NWD2: variants seen among roughly 807,000 people sequenced by gnomAD.
The protein encoded by NWD2 is NACHT and WD repeat domain containing 2.
A neutral mutation model predicts 132.7 loss-of-function variants in NWD2; 37 were observed. The observed-to-expected ratio is 0.28, with a 90% CI of 0.21 to 0.37. The LOEUF is 0.37. Among genes scored for constraint, NWD2 ranks in the 10% least tolerant of loss-of-function variants. The probability of loss-of-function intolerance (pLI) is 1.00; values close to 1 mark genes in which losing one functional copy is unlikely to be tolerated. For missense variants in NWD2, 1,592 were observed against 2,122.4 expected, an observed-to-expected ratio of 0.75 and a Z score of 4.91; for synonymous variants, 705 against 803.0, an observed-to-expected ratio of 0.88 and a Z score of 2.06.
intron 3 of NWD2, among the ~76,000 whole-genome samples, chr4:37,381,153 C>A (rs1720445299): frequency 6.6e-6 from 1 of 152,098 alleles, no homozygotes; most frequent in Admixed American, 6.6e-5. Context: ...GAAATGTGCC[C>A]TGTGGAGGAT....
chr4:37,339,197 TGTGA>T (rs1719470981), intron 2 of NWD2, among the ~76,000 whole-genome samples: 1 of 152,064 alleles, frequency 6.6e-6, no homozygotes, highest in African/African-American at 2.4e-5. Flanking sequence ...CTCCCATCCA[TGTGA>T]GTGAGGCAGC....
chr4:37,273,900 A>C (rs1035536345), intron 1 of NWD2, among the ~76,000 whole-genome samples: 1 of 152,152 alleles, frequency 6.6e-6, no homozygotes, highest in South Asian at 2.1e-4. Flanking sequence ...AAGACACAAC[A>C]TACCAGAATC....
At chr4:37,425,902 A>G (rs1395115812) in intron 3 of NWD2, among the ~76,000 whole-genome samples, 1 of 152,186 alleles carries the variant, frequency 6.6e-6, no homozygotes. Flanking sequence ...CTGCAGATCT[A>G]ACGAATAGTC....
At chr4:37,275,153 A>G in intron 1 of NWD2, among the ~76,000 whole-genome samples, 1 of 152,104 alleles carries the variant, frequency 6.6e-6, no homozygotes, top group Non-Finnish European at 1.5e-5. Flanking sequence ...CCTGTTTGTA[A>G]ATGGCATGAT....
rs1168979320 is a variant in NWD2 at position 37,446,174 on chromosome 4, A to G, written c.4186A>G (p.Asn1396Asp). The G allele has an allele frequency of 6.4e-7, 1 of 1,551,682 alleles. No homozygotes were observed. Among genetic ancestry groups the G allele is most frequent in the East Asian group, 2.4e-5 (1 of 40,924 alleles). Residue 1396 changes from asparagine (N) to aspartate (D), a missense_variant, in exon 7 of 7, where the codon AAC becomes GAC. This residue lies in a region of NWD2 where 1,071 missense variants were observed against 1,398.0 expected (regional missense o/e 0.77). Coordinates refer to ENST00000309447, the MANE Select transcript of NWD2 (RefSeq NM_001144990.2). This position sits in a 1 kb window ranked among gnomAD's most constrained non-coding sequence, Gnocchi z 6.7. Reference sequence around the variant, plus strand: ...CAGTGGTGAAAACCTTTTTCGAATTAACGGGCAGAGAATATCTCAGCTGCT... The same window carrying G: ...CAGTGGTGAAAACCTTTTTCGAATTGACGGGCAGAGAATATCTCAGCTGCT... Reference protein sequence around the residue: ...TSSGENLFRINGQRISQLLIT... With the variant: ...TSSGENLFRIDGQRISQLLIT...
chr4:37,431,223 A>T (rs1301389284), intron 4 of NWD2, among the ~76,000 whole-genome samples: 31 of 152,238 alleles, frequency 2.0e-4, no homozygotes, highest in Non-Finnish European at 1.5e-5. Context: ...AATTGTTCAC[A>T]ATAGCCAAGA....
At chr4:37,419,930 C>T (rs755654313) in intron 3 of NWD2, among the ~76,000 whole-genome samples, 3 of 152,160 alleles carry the variant, frequency 2.0e-5, no homozygotes, top group Admixed American at 6.6e-5. Context: ...AATTTTATAT[C>T]TACTGCCAAA....
intron 1 of NWD2, among the ~76,000 whole-genome samples, chr4:37,303,698 C>T (rs967624374): frequency 7.2e-5 from 11 of 151,998 alleles, no homozygotes; most frequent in African/African-American, 2.7e-4. Context: ...TTTTTTGTTA[C>T]AATTACAAAT....
intron 1 of NWD2, among the ~76,000 whole-genome samples, chr4:37,291,177 G>A (rs758700524): frequency 2.0e-5 from 3 of 152,104 alleles, no homozygotes; most frequent in Non-Finnish European, 4.4e-5. Context: ...AATAAATGTA[G>A]CCAACTTCTT....
At position 37,433,788 on chromosome 4, in the gene NWD2, C is replaced by G. The variant is rs1712240316; in HGVS notation, c.562-88C>G. The G allele has an allele frequency of 2.2e-5, 22 of 1,003,948 alleles. No homozygotes were observed. The South Asian group carries it at 2.7e-4, about 12-fold the overall frequency. The allele number at this position is 1,003,948 out of a possible 1,614,324, so 62.2% of individuals were successfully genotyped here. A position where few individuals can be genotyped will look rare whatever the true frequency, so the allele number is the denominator to read the frequency against. The stretch of plus-strand genomic sequence containing the variant: ...TATCATAGTATTGGCACATAGTAGG[C>G]CTTCAAATAATAGAAATTTTCTTGT... On this transcript the variant is annotated intron_variant, in intron 4 of 6. Coordinates refer to ENST00000309447, the MANE Select transcript of NWD2 (RefSeq NM_001144990.2).
chr4:37,446,305 G>T lies in NWD2; in HGVS notation c.4317G>T (p.Leu1439Phe). 6.4e-7 allele frequency: 1 copy of T among 1,551,850 alleles called. No homozygotes were observed. The highest frequency in any genetic ancestry group is 8.7e-7 in the Non-Finnish European group (1 of 1,147,034). Residue 1439 changes from leucine to phenylalanine, a missense_variant, in exon 7 of 7, where the codon TTG (leucine) becomes TTT (phenylalanine). Coordinates refer to ENST00000309447, the MANE Select transcript of NWD2 (RefSeq NM_001144990.2). The surrounding 1 kb of genome is among the most constrained non-coding windows in gnomAD (Gnocchi z 6.7). ...GHRVCNILTT[L>F]QNAFITSANT... is the part of the protein sequence containing the mutation. ...GGGTCTGCAACATTCTGACCACTTT[G>T]CAGAATGCCTTTATTACCTCCGCAA... is the stretch of plus-strand genomic sequence containing the variant.
intron 1 of NWD2, among the ~76,000 whole-genome samples, chr4:37,270,041 G>A (rs1488294343): frequency 1.3e-5 from 2 of 151,674 alleles, no homozygotes; most frequent in African/African-American, 4.8e-5. Flanking sequence ...GTTTCACTGA[G>A]GCTTTAATTT....
rs138160092 is a variant in NWD2 at position 37,427,103 on chromosome 4, A to G, written c.358-3469A>G. On this transcript the variant is annotated intron_variant, in intron 3 of 6. Transcript: ENST00000309447. ...TAGATGGAGTGTTGTCAATTACTAAATCCCATATTTAATGTGCTGCCTGTC... is the reference window on the plus strand; with the variant it reads ...TAGATGGAGTGTTGTCAATTACTAAGTCCCATATTTAATGTGCTGCCTGTC... Among the ~76,000 whole-genome samples the G allele has an allele frequency of 2.4e-3, 368 of 151,658 alleles. 1 individual carries two copies. The highest frequency in any genetic ancestry group is 4.0e-3 in the Non-Finnish European group (272 of 67,922).
chr4:37,422,490 C>G (rs1207024903), intron 3 of NWD2, among the ~76,000 whole-genome samples: 2 of 152,162 alleles, frequency 1.3e-5, no homozygotes, highest in Admixed American at 6.6e-5. Context: ...TTCCTCCCTT[C>G]TAGCCTCTAT....
intron 1 of NWD2, among the ~76,000 whole-genome samples, chr4:37,305,044 T>C (rs895248559): frequency 5.3e-5 from 8 of 152,228 alleles, no homozygotes; most frequent in African/African-American, 1.9e-4. Context: ...GTGGAGGTTC[T>C]CAAACCCCAG....
chr4:37,311,158 A>G (rs1054036971), intron 1 of NWD2, among the ~76,000 whole-genome samples: 10 of 152,086 alleles, frequency 6.6e-5, no homozygotes, highest in Non-Finnish European at 1.3e-4. Context: ...CAGTAATGGG[A>G]TGGCTGGGTC....
intron 3 of NWD2, among the ~76,000 whole-genome samples, chr4:37,424,590 ATT>A (rs1711938753): frequency 6.6e-6 from 1 of 152,232 alleles, no homozygotes; most frequent in Admixed American, 6.5e-5. Context: ...AGAATAGGGC[ATT>A]TAAAGAGTAT....
chr4:37,366,653 A>G (rs567070909), intron 3 of NWD2, among the ~76,000 whole-genome samples: 2 of 152,168 alleles, frequency 1.3e-5, no homozygotes, highest in African/African-American at 2.4e-5. Flanking sequence ...TGATAAAAGT[A>G]TGTATATCTA....
intron 1 of NWD2, among the ~76,000 whole-genome samples, chr4:37,285,904 A>G (rs1219843714): frequency 6.6e-6 from 1 of 152,220 alleles, no homozygotes; most frequent in Non-Finnish European, 1.5e-5. Context: ...TATACTGAAA[A>G]GAATTTCAGT....
Sources: allele counts gnomAD v4.1 joint callset (sites outside exome capture counted in the v4.1 genomes callset), GRCh38; gene constraint gnomAD v4.1.1; regional missense constraint gnomAD v4.1.1; non-coding constraint Gnocchi (gnomAD v3.1); transcripts MANE v1.5; gene names NCBI Gene and HGNC (gene_info 2026-07-23, HGNC 2026-07-21).